The following ATG10 variants were observed in gnomAD, a reference collection of about 807,000 sequenced individuals.
The protein encoded by ATG10 is ubiquitin-like-conjugating enzyme ATG10.
In ATG10, 30 loss-of-function variants were observed where a neutral mutation model predicts 32.1. The observed-to-expected ratio is 0.94, with a 90% CI of 0.70 to 1.27. The LOEUF is 1.27. Among genes scored for constraint, ATG10 ranks in the 50% most tolerant of loss-of-function variants. ATG10 has a pLI of 0.00. For missense variants in ATG10, 233 were observed against 262.3 expected (o/e 0.89, Z 0.77); for synonymous variants, 87 against 91.5 (o/e 0.95, Z 0.28).
At chr5:82,197,906 A>G (rs1300472487) in intron 5 of ATG10, among the ~76,000 whole-genome samples, 1 of 152,172 alleles carries the variant, frequency 6.6e-6, no homozygotes, top group Non-Finnish European at 1.5e-5. Context: ...GGAGTTTAGT[A>G]AGAAGTCCAT....
intron 3 of ATG10, among the ~76,000 whole-genome samples, chr5:82,137,520 G>T (rs1561318918): frequency 6.6e-6 from 1 of 152,176 alleles, no homozygotes; most frequent in East Asian, 1.9e-4. Flanking sequence ...TCCATACCCT[G>T]TTTTCCTGGT....
At chr5:82,088,647 G>T (rs979139343) in intron 3 of ATG10, among the ~76,000 whole-genome samples, 4 of 152,104 alleles carry the variant, frequency 2.6e-5, no homozygotes, top group African/African-American at 9.7e-5. Flanking sequence ...AAATTGAAAG[G>T]CTTCGTGTGA....
chr5:82,121,572 A>G (rs1291148509), intron 3 of ATG10, among the ~76,000 whole-genome samples: 3 of 152,140 alleles, frequency 2.0e-5, no homozygotes, highest in South Asian at 4.1e-4. Flanking sequence ...GCTTTTGCCC[A>G]TTCAGTATAA....
intron 1 of ATG10, among the ~76,000 whole-genome samples, chr5:81,980,592 G>A (rs139352559): frequency 2.0e-5 from 3 of 151,926 alleles, no homozygotes; most frequent in Non-Finnish European, 4.4e-5. Context: ...TGAATCTTTC[G>A]GTCCTGTAAC....
chr5:82,006,245 A>C (rs1185050064), intron 2 of ATG10, among the ~76,000 whole-genome samples: 1 of 152,198 alleles, frequency 6.6e-6, no homozygotes, highest in African/African-American at 2.4e-5. Flanking sequence ...TACAAAGCCC[A>C]CCATGGACCT....
intron 5 of ATG10, among the ~76,000 whole-genome samples, chr5:82,204,912 T>G (rs190773501): frequency 0.011 from 1,615 of 151,942 alleles, 36 homozygotes; most frequent in African/African-American, 0.037. Flanking sequence ...AAATGGTAAT[T>G]GAAGCCATGA....
At chr5:82,024,231 G>A (rs927670051) in intron 2 of ATG10, among the ~76,000 whole-genome samples, 1 of 152,176 alleles carries the variant, frequency 6.6e-6, no homozygotes, top group Admixed American at 6.5e-5. Flanking sequence ...TAACCATAGA[G>A]TATACTATTC....
At chr5:82,005,765 C>T (rs1173232926) in intron 2 of ATG10, among the ~76,000 whole-genome samples, 1 of 152,136 alleles carries the variant, frequency 6.6e-6, no homozygotes, top group East Asian at 1.9e-4. Flanking sequence ...GCTTCCTTCT[C>T]TCACTTTTGT....
At chr5:82,240,245 A>C (rs1746731453) in intron 5 of ATG10, among the ~76,000 whole-genome samples, 1 of 152,254 alleles carries the variant, frequency 6.6e-6, no homozygotes, top group South Asian at 2.1e-4. Flanking sequence ...CACTATTCAC[A>C]ATAGTCAAGA....
chr5:82,171,400 G>A lies in ATG10; in HGVS notation c.355+6863G>A, dbSNP rs775050709. On this transcript the variant is annotated intron_variant, in intron 4 of 7. Transcript: ENST00000282185. Reference sequence around the variant, plus strand: ...TATAACATTTTAAGCTGATAATTTTGAAAATATTTATTAAGCAAGACTTTT... The same window carrying A: ...TATAACATTTTAAGCTGATAATTTTAAAAATATTTATTAAGCAAGACTTTT... Among the ~76,000 whole-genome samples, 15 of 152,098 alleles carry A rather than the reference G, an allele frequency of 9.9e-5. 1 individual carries two copies. The South Asian group carries it at 2.1e-3, about 21-fold the overall frequency.
intron 5 of ATG10, among the ~76,000 whole-genome samples, chr5:82,204,105 A>G (rs1302152184): frequency 6.6e-6 from 1 of 152,198 alleles, no homozygotes; most frequent in African/African-American, 2.4e-5. Flanking sequence ...GAACACCATA[A>G]GGGTAAAAGT....
At chr5:82,127,931 T>C (rs540349754) in intron 3 of ATG10, among the ~76,000 whole-genome samples, 11 of 152,188 alleles carry the variant, frequency 7.2e-5, no homozygotes, top group Admixed American at 2.0e-4. Context: ...TCTTTGTAGG[T>C]CTCTAAGAAC....
chr5:82,050,348 T>C (rs1190682074), intron 2 of ATG10, among the ~76,000 whole-genome samples: 2 of 152,130 alleles, frequency 1.3e-5, no homozygotes, highest in East Asian at 3.8e-4. Flanking sequence ...ACAATAACTA[T>C]TGATTCCTGC....
chr5:81,988,433 C>G (rs1005187570), intron 2 of ATG10, among the ~76,000 whole-genome samples: 6 of 152,110 alleles, frequency 3.9e-5, no homozygotes, highest in African/African-American at 1.4e-4. Flanking sequence ...GCCACCACAC[C>G]CAGCCCCAAA....
intron 2 of ATG10, among the ~76,000 whole-genome samples, chr5:82,051,029 G>A (rs35001784): frequency 2.6e-5 from 4 of 151,700 alleles, no homozygotes. Context: ...ACAATTCTAC[G>A]AACTCTCTTT....
intron 1 of ATG10, among the ~76,000 whole-genome samples, chr5:81,980,676 A>G (rs903544861): frequency 1.3e-5 from 2 of 150,674 alleles, no homozygotes; most frequent in Non-Finnish European, 2.9e-5. Flanking sequence ...TTGGGGTGTT[A>G]GTGGTGAGAC....
At chr5:82,122,642 T>TA (rs1766088671) in intron 3 of ATG10, among the ~76,000 whole-genome samples, 1 of 152,148 alleles carries the variant, frequency 6.6e-6, no homozygotes, top group South Asian at 2.1e-4. Context: ...CCAGCATCTA[T>TA]AAGGACCTTA....
chr5:82,141,958 T>A (rs1006348649), intron 3 of ATG10, among the ~76,000 whole-genome samples: 5 of 152,234 alleles, frequency 3.3e-5, no homozygotes, highest in African/African-American at 1.2e-4. Context: ...TAGCCTATTT[T>A]TAAGAAGCTT....
intron 1 of ATG10, among the ~76,000 whole-genome samples, chr5:81,979,062 G>A (rs1760953925): frequency 6.6e-6 from 1 of 152,016 alleles, no homozygotes; most frequent in Admixed American, 6.6e-5. Context: ...ACTGCACCTG[G>A]CTAATTTTTG....
Sources: gnomAD v4.1 joint callset for allele counts (sites outside exome capture counted in the v4.1 genomes callset) on GRCh38, gnomAD v4.1.1 for gene constraint, MANE v1.5 for transcripts, NCBI Gene and HGNC (gene_info 2026-07-23, HGNC 2026-07-21) for gene names.